The following DDX19B variants were observed in gnomAD, a reference collection of about 807,000 sequenced individuals.
DDX19B encodes DEAD-box helicase 19B.
A neutral mutation model predicts 58.1 loss-of-function variants in DDX19B; 27 were observed. The observed-to-expected ratio is 0.46, with a 90% CI of 0.34 to 0.64. The LOEUF (loss-of-function observed/expected upper bound fraction) is 0.64, where lower values mean the gene tolerates loss of function less well. Among genes scored for constraint, DDX19B ranks in the 30% least tolerant of loss-of-function variants. The pLI is 0.01. For missense variants in DDX19B, 399 were observed against 596.5 expected (o/e 0.67, Z 3.45); for synonymous variants, 187 against 214.4 (o/e 0.87, Z 1.12).
intron 1 of DDX19B, among the ~76,000 whole-genome samples, chr16:70,311,772 G>A (rs1056295578): frequency 6.6e-6 from 1 of 152,160 alleles, no homozygotes; most frequent in Non-Finnish European, 1.5e-5. Context: ...TCAGCATACT[G>A]TGGTCTTACG....
intron 5 of DDX19B, among the ~76,000 whole-genome samples, chr16:70,322,685 A>G (rs1352530721): frequency 1.3e-5 from 2 of 151,636 alleles, no homozygotes; most frequent in African/African-American, 4.8e-5. Context: ...ACCTGAGGTC[A>G]GCAGTTCACC....
At chr16:70,305,727 GT>G (rs371929997) in intron 1 of DDX19B, among the ~76,000 whole-genome samples, 2 of 151,684 alleles carry the variant, frequency 1.3e-5, no homozygotes, top group Admixed American at 1.3e-4. Context: ...GTTCTGAGAG[GT>G]TTTTTGTTTT....
Position 70,299,193 on chromosome 16 carries a change from T to A in DDX19B, c.-105T>A. 7.1e-7 allele frequency: 1 copy of A among 1,402,046 alleles called. No homozygotes were observed. The highest frequency in any genetic ancestry group is 1.5e-5 in the African/African-American group (1 of 67,714). 86.9% of individuals were successfully genotyped at this position (1,402,046 alleles called of 1,614,324 possible). On this transcript the variant is annotated 5_prime_UTR_variant, in exon 1 of 12. Coordinates refer to ENST00000288071, the MANE Select transcript of DDX19B (RefSeq NM_007242.7). ...GCGCGCCGCTTCCGGTCTGCAGCCT[T>A]GTAGTGGGGCTGGAGCAGAGCCTGC... is the stretch of plus-strand genomic sequence containing the variant.
intron 3 of DDX19B, among the ~76,000 whole-genome samples, chr16:70,315,184 G>A (rs1339762651): frequency 2.0e-5 from 3 of 150,632 alleles, no homozygotes; most frequent in African/African-American, 7.4e-5. Flanking sequence ...AGACCATCCT[G>A]GCTAACACGG....
chr16:70,320,093 A>T (rs1436797603), intron 5 of DDX19B, among the ~76,000 whole-genome samples: 1 of 151,870 alleles, frequency 6.6e-6, no homozygotes, highest in Non-Finnish European at 1.5e-5. Flanking sequence ...TGTGGATCTA[A>T]TATTTTTGTA....
chr16:70,294,245 C>A (rs1412738745), upstream of DDX19B, among the ~76,000 whole-genome samples: 2 of 151,872 alleles, frequency 1.3e-5, no homozygotes, highest in African/African-American at 4.8e-5. Context: ...CCACGCCCAG[C>A]TAATTTTTTG....
At chr16:70,312,577 C>T (rs770860940) in intron 1 of DDX19B, 32 bp from the exon 2 acceptor site, 29 of 1,604,836 alleles carry the variant, frequency 1.8e-5, no homozygotes, top group Non-Finnish European at 2.4e-5. Flanking sequence ...CTTTTCCTGA[C>T]ACTTTCCCCC....
At chr16:70,318,920 C>T (rs146974264) in intron 5 of DDX19B, among the ~76,000 whole-genome samples, 1,672 of 151,732 alleles carry the variant, frequency 0.011, 22 homozygotes, top group African/African-American at 0.038. Flanking sequence ...CTGGCTAACA[C>T]GGTGAAACCC....
At chr16:70,321,670 G>A (rs1296499028) in intron 5 of DDX19B, among the ~76,000 whole-genome samples, 2 of 152,282 alleles carry the variant, frequency 1.3e-5, no homozygotes, top group South Asian at 2.1e-4. Context: ...AAACATTAAT[G>A]CCACTGAATA....
intron 5 of DDX19B, among the ~76,000 whole-genome samples, chr16:70,322,991 C>A (rs553232756): frequency 6.6e-6 from 1 of 151,726 alleles, no homozygotes; most frequent in East Asian, 1.9e-4. Context: ...CATGGTTTCA[C>A]TTTTAGTTCA....
At chr16:70,321,927 C>T (rs1352971284) in intron 5 of DDX19B, among the ~76,000 whole-genome samples, 3 of 151,624 alleles carry the variant, frequency 2.0e-5, no homozygotes, top group South Asian at 2.1e-4. Context: ...CCCAGCTACT[C>T]GGGAGGCTGA....
intron 11 of DDX19B, 32 bp downstream of exon 11, chr16:70,333,191 C>A: frequency 8.7e-7 from 1 of 1,147,636 alleles, no homozygotes; most frequent in Non-Finnish European, 1.2e-6. Context: ...GTGCCTGGCG[C>A]CCTTTGCTAA....
At chr16:70,292,009 G>A (rs892630416), upstream of DDX19B, among the ~76,000 whole-genome samples, 9 of 152,022 alleles carry the variant, frequency 5.9e-5, no homozygotes, top group African/African-American at 1.9e-4. Flanking sequence ...TAATTAGCTA[G>A]GCGTGGTGGC....
At chr16:70,306,215 G>A (rs768167479) in intron 1 of DDX19B, among the ~76,000 whole-genome samples, 1 of 152,012 alleles carries the variant, frequency 6.6e-6, no homozygotes, top group Non-Finnish European at 1.5e-5. Context: ...GCAGTGGTGT[G>A]TACATGGCTC....
At chr16:70,327,370 T>G (rs1446941106) in intron 7 of DDX19B, among the ~76,000 whole-genome samples, 3 of 151,866 alleles carry the variant, frequency 2.0e-5, no homozygotes, top group Admixed American at 2.0e-4. Flanking sequence ...CCATCTCTAC[T>G]AAACATAGAA....
At chr16:70,322,658 C>T (rs1310901621) in intron 5 of DDX19B, among the ~76,000 whole-genome samples, 1 of 150,168 alleles carries the variant, frequency 6.7e-6, no homozygotes, top group African/African-American at 2.5e-5. Context: ...CTTTGGGAGG[C>T]CCAAGGCAAG....
At chr16:70,311,248 C>T (rs539703456) in intron 1 of DDX19B, among the ~76,000 whole-genome samples, 49 of 151,422 alleles carry the variant, frequency 3.2e-4, no homozygotes, top group African/African-American at 1.1e-3. Flanking sequence ...GGCGTGGTGG[C>T]GGGCGCCTGT....
intron 7 of DDX19B, among the ~76,000 whole-genome samples, chr16:70,326,309 T>G (rs975590552): frequency 2.0e-5 from 3 of 152,072 alleles, no homozygotes; most frequent in African/African-American, 7.2e-5. Context: ...ACCCCGTATC[T>G]AATAAAAATA....
At position 70,307,370 on chromosome 16, in the gene DDX19B, T is replaced by C. The variant is rs140491194; in HGVS notation, c.58-5239T>C. Among the ~76,000 whole-genome samples, 97 of 152,310 alleles carry C rather than the reference T, an allele frequency of 6.4e-4. 4 individuals are homozygous for C. In the East Asian group the frequency reaches 0.017, roughly 26 times the overall value. ...GAAATAATATGTCTTTTTTTATTTTTTATTTTTTGGAGACAAGAGTCTCGC... is the reference window on the plus strand; with the variant it reads ...GAAATAATATGTCTTTTTTTATTTTCTATTTTTTGGAGACAAGAGTCTCGC... On this transcript the variant is annotated intron_variant, in intron 1 of 11. Transcript: ENST00000288071.
Sources: allele counts gnomAD v4.1 joint callset (sites outside exome capture counted in the v4.1 genomes callset), GRCh38; gene constraint gnomAD v4.1.1; transcripts MANE v1.5; gene names NCBI Gene and HGNC (gene_info 2026-07-23, HGNC 2026-07-21).